The following ZNF526 variants were observed in gnomAD, a reference collection of about 807,000 sequenced individuals.
ZNF526 encodes zinc finger protein 526.
Under a neutral mutation model 32.4 loss-of-function variants are expected in ZNF526, and 16 were observed. The ratio of observed to expected loss-of-function variants is 0.49; its 90% CI spans 0.33 to 0.75. ZNF526 has a LOEUF of 0.75. ZNF526 is among the 30% of genes least tolerant of loss of function. The pLI, the probability that ZNF526 is intolerant of heterozygous loss-of-function variation, is 0.02. For synonymous variants in ZNF526, 355 were observed against 363.4 expected, an observed-to-expected ratio of 0.98 and a Z score of 0.26; for missense variants, 838 against 920.7, an observed-to-expected ratio of 0.91 and a Z score of 1.16.
chr19:42,224,776 G>A lies in ZNF526; in HGVS notation c.373G>A (p.Ala125Thr). The change falls in exon 3 of 3, where the codon GCC (alanine) becomes ACC (threonine). Residue 125 changes from alanine (A) to threonine (T), a missense_variant. Ala to Thr is a moderately conservative substitution (Grantham distance 58, BLOSUM62 0). Coordinates refer to ENST00000301215, the MANE Select transcript of ZNF526 (RefSeq NM_133444.3). ...CATCCTCTCCCCTGGGGAGCTCCTG[G>A]CCCACCAGGATGCCCACCTCCGAGA... Reference protein sequence around the residue: ...QLILSPGELLAHQDAHLRESA... With the variant: ...QLILSPGELLTHQDAHLRESA... The A allele has an allele frequency of 6.2e-7, 1 of 1,613,910 alleles. No homozygotes were observed. Among genetic ancestry groups the A allele is most frequent in the Non-Finnish European group, 8.5e-7 (1 of 1,180,002 alleles).
At chr19:42,222,282 G>A (rs1185429019) in intron 1 of ZNF526, among the ~76,000 whole-genome samples, 1 of 151,910 alleles carries the variant, frequency 6.6e-6, no homozygotes, top group Non-Finnish European at 1.5e-5. Flanking sequence ...TAGAGACGGG[G>A]TTTCATCATG....
intron 1 of ZNF526, among the ~76,000 whole-genome samples, chr19:42,223,501 C>T (rs746078458): frequency 6.6e-6 from 1 of 152,078 alleles, no homozygotes; most frequent in Non-Finnish European, 1.5e-5. Context: ...ATTAGCCGGG[C>T]GTGGTTGCAG....
In ZNF526 at chr19:42,224,813, A is replaced by C; in HGVS notation, c.410A>C (p.Gln137Pro). 6 of 1,613,772 alleles carry C rather than the reference A, an allele frequency of 3.7e-6. No individual in the cohort carries two copies. Among genetic ancestry groups the C allele is most frequent in the Non-Finnish European group, 5.1e-6 (6 of 1,179,978 alleles). The change falls in exon 3 of 3, where the codon CAG (glutamine) becomes CCG (proline). Residue 137 changes from glutamine (Q) to proline (P), a missense_variant. Transcript: ENST00000301215. ...QDAHLRESAN[Q>P]IQYQCWDCQE... The stretch of plus-strand genomic sequence containing the variant: ...GCCCACCTCCGAGAGTCTGCAAACC[A>C]GATCCAATACCAGTGCTGGGACTGC...
At chr19:42,220,714 T>TA (rs2036113447) in intron 1 of ZNF526, 2 of 152,168 alleles carry the variant, frequency 1.3e-5, no homozygotes, top group Admixed American at 6.5e-5. Flanking sequence ...GACTTACTGA[T>TA]ATACTGTGTG....
In ZNF526 at chr19:42,225,776, C is replaced by A. The variant is rs895785155; in HGVS notation, c.1373C>A (p.Ser458Tyr). 1 of 1,604,192 alleles carries A rather than the reference C, an allele frequency of 6.2e-7. No individual in the cohort carries two copies. The highest frequency in any genetic ancestry group is 8.5e-7 in the Non-Finnish European group (1 of 1,175,160). The change falls in exon 3 of 3, where the codon TCC (serine) becomes TAC (tyrosine). Residue 458 changes from serine to tyrosine, a missense_variant. Coordinates refer to ENST00000301215, the MANE Select transcript of ZNF526 (RefSeq NM_133444.3). ...TCCTTTGCCTCAGCTTCCCGGCTGT[C>A]CCGGCACCGGCGTGCAGTACACGGG... ...SKSFASASRLSRHRRAVHGPP... is the reference protein window; with the variant it reads ...SKSFASASRLYRHRRAVHGPP...
Position 42,226,163 on chromosome 19 carries a change from G to A in ZNF526, c.1760G>A (p.Gly587Asp). 12 of 1,607,670 alleles carry A rather than the reference G, an allele frequency of 7.5e-6. No individual in the cohort carries two copies. The highest frequency in any genetic ancestry group is 1.0e-5 in the Non-Finnish European group (12 of 1,180,000). Residue 587 changes from glycine (G) to aspartate (D), a missense_variant, in exon 3 of 3, where the codon GGC becomes GAC. Gly to Asp is a moderately conservative substitution (Grantham distance 94). Transcript: ENST00000301215. ...TCGRWFRAMA[G>D]LRLHQRVHAR... The stretch of plus-strand genomic sequence containing the variant: ...GGCCGCTGGTTCCGCGCCATGGCGG[G>A]CTTGCGACTGCATCAGCGGGTCCAT...
rs1340041189 is a variant in ZNF526 at position 42,226,101 on chromosome 19, T to C, written c.1698T>C (p.Gly566=). The C allele has an allele frequency of 6.2e-7, 1 of 1,606,070 alleles. No homozygotes were observed. Among genetic ancestry groups the C allele is most frequent in the South Asian group, 1.1e-5 (1 of 91,086 alleles). The change falls in exon 3 of 3, where the codon GGT becomes GGC. Residue 566 remains glycine (G), a synonymous_variant. Transcript: ENST00000301215. The part of the protein sequence containing the change: ...FARAPRLPIT[G]LYNKSPYYCG... ...GCGCCCCCCGCCTCCCCATCACTGG[T>C]CTCTACAACAAGAGTCCCTACTACT... is the stretch of plus-strand genomic sequence containing the variant.
At chr19:42,223,601 A>G (rs1342019795) in intron 1 of ZNF526, among the ~76,000 whole-genome samples, 1 of 152,060 alleles carries the variant, frequency 6.6e-6, no homozygotes, top group Non-Finnish European at 1.5e-5. Context: ...AGATTGCACC[A>G]CTGCACTCCA....
chr19:42,226,329 G>T lies in ZNF526; in HGVS notation c.1926G>T (p.Ala642=). Residue 642 remains alanine, a synonymous_variant, in exon 3 of 3, where the codon GCG becomes GCT. Transcript: ENST00000301215. ...TCATTGAGACATCCCAGCCACTGGC[G>T]CTTGAGGACACCCTGCAGCTGTGCC... ...IAIIETSQPL[A]LEDTLQLCQA... 1.2e-6 allele frequency: 2 copies of T among 1,614,218 alleles called. No individual in the cohort carries two copies. The highest frequency in any genetic ancestry group is 1.6e-4 in the Middle Eastern group (1 of 6,062).
chr19:42,224,574 C>T lies in ZNF526; in HGVS notation c.171C>T (p.Phe57=). 6.2e-7 allele frequency: 1 copy of T among 1,614,248 alleles called. No homozygotes were observed. The highest frequency in any genetic ancestry group is 8.5e-7 in the Non-Finnish European group (1 of 1,180,042). Residue 57 remains phenylalanine, a synonymous_variant, in exon 3 of 3, where the codon TTC becomes TTT. Transcript: ENST00000301215. The part of the protein sequence containing the change: ...ASSLFFQHHQ[F]MCSECGSLYN... ...CCCTCTTCTTCCAGCATCACCAGTTCATGTGCTCTGAGTGTGGCAGCCTCT... is the reference window on the plus strand; with the variant it reads ...CCCTCTTCTTCCAGCATCACCAGTTTATGTGCTCTGAGTGTGGCAGCCTCT...
intron 1 of ZNF526, among the ~76,000 whole-genome samples, chr19:42,221,918 C>T (rs776844693): frequency 1.3e-5 from 2 of 152,044 alleles, no homozygotes; most frequent in Non-Finnish European, 2.9e-5. Flanking sequence ...ACCACCTTAG[C>T]CTCCCAAAGT....
In ZNF526 at chr19:42,226,709, C is replaced by CGA; in HGVS notation, c.*293_*294insGA. The CGA allele has an allele frequency of 1.9e-6, 1 of 518,904 alleles. No homozygotes were observed. Among genetic ancestry groups the CGA allele is most frequent in the Non-Finnish European group, 3.6e-6 (1 of 275,522 alleles). 32.1% of individuals were successfully genotyped at this position (518,904 alleles called of 1,614,324 possible). A position where few individuals can be genotyped will look rare whatever the true frequency, so the allele number is the denominator to read the frequency against. The stretch of plus-strand genomic sequence containing the variant: ...CCCTTTGCACTGCATCACCCTGGTG[C>CGA]CCAGCAACATCAGGTAACCTTCACT... On this transcript the variant is annotated 3_prime_UTR_variant, in exon 3 of 3. Transcript: ENST00000301215.
At chr19:42,222,487 C>A (rs2036134055) in intron 1 of ZNF526, among the ~76,000 whole-genome samples, 1 of 152,024 alleles carries the variant, frequency 6.6e-6, no homozygotes, top group Admixed American at 6.5e-5. Flanking sequence ...GGTTTGAATT[C>A]ATAAAATTAG....
At position 42,225,108 on chromosome 19, in the gene ZNF526, AGAGGACGAT is replaced by A; in HGVS notation, c.711_719del (p.Asp237_Glu239del). The A allele has an allele frequency of 1.2e-6, 2 of 1,614,138 alleles. No individual in the cohort carries two copies. Among genetic ancestry groups the A allele is most frequent in the Non-Finnish European group, 1.7e-6 (2 of 1,180,012 alleles). The stretch of plus-strand genomic sequence containing the variant: ...AGCGCAATGGGTTGGAGGAGGAGGA[AGAGGACGAT>A]GAGGAGGATGAAGAAGATGATGAAG... On this transcript the variant is annotated inframe_deletion, in exon 3 of 3. Coordinates refer to ENST00000301215, the MANE Select transcript of ZNF526 (RefSeq NM_133444.3).
chr19:42,225,960 GCT>G lies in ZNF526; in HGVS notation c.1558_1559del (p.Leu520AspfsTer116). On this transcript the variant is annotated frameshift_variant, in exon 3 of 3. Coordinates refer to ENST00000301215, the MANE Select transcript of ZNF526 (RefSeq NM_133444.3). LOFTEE classifies it high-confidence loss of function. The part of the protein sequence containing the change: ...ASLANLSRHQ[L>X]THTGARPYQC... ...CTTTGGCCAACCTCAGCCGCCACCAGCTGACCCATACGGGTGCACGTCCCTAC... is the reference window on the plus strand; with the variant it reads ...CTTTGGCCAACCTCAGCCGCCACCAGGACCCATACGGGTGCACGTCCCTAC... 1 of 1,614,086 alleles carries G rather than the reference GCT, an allele frequency of 6.2e-7. No homozygotes were observed. Among genetic ancestry groups the G allele is most frequent in the Non-Finnish European group, 8.5e-7 (1 of 1,180,032 alleles).
rs2036183502 is a variant in ZNF526 at position 42,226,503 on chromosome 19, G to C, written c.*87G>C. 6 of 1,583,920 alleles carry C rather than the reference G, an allele frequency of 3.8e-6. No individual in the cohort carries two copies. The highest frequency in any genetic ancestry group is 5.2e-6 in the Non-Finnish European group (6 of 1,154,836). ...GAGAGAGGACCTCCTCTGACAAACT[G>C]GTCTGGTACCCACCATGTGCCAGGA... On this transcript the variant is annotated 3_prime_UTR_variant, in exon 3 of 3. Transcript: ENST00000301215.
chr19:42,220,731 C>T (rs1188373582), intron 1 of ZNF526: 1 of 152,188 alleles, frequency 6.6e-6, no homozygotes, highest in African/African-American at 2.4e-5. Flanking sequence ...TGTGAAAAAC[C>T]CCCATTCTTT....
chr19:42,224,857 C>T lies in ZNF526; in HGVS notation c.454C>T (p.Pro152Ser). 1 of 1,613,992 alleles carries T rather than the reference C, an allele frequency of 6.2e-7. No individual in the cohort carries two copies. The highest frequency in any genetic ancestry group is 1.3e-5 in the African/African-American group (1 of 75,020). Residue 152 changes from proline to serine, a missense_variant, in exon 3 of 3, where the codon CCC (proline) becomes TCC (serine). By Grantham distance (74) the Pro-to-Ser change is moderately conservative. Transcript: ENST00000301215. ...GGACTGCCAGGAGCTGTTCCCCTCGCCCGAGCTGTGGGTGGCTCATCGAAA... is the reference window on the plus strand; with the variant it reads ...GGACTGCCAGGAGCTGTTCCCCTCGTCCGAGCTGTGGGTGGCTCATCGAAA... ...CWDCQELFPS[P>S]ELWVAHRKAQ...
chr19:42,220,853 C>T (rs1568460790), intron 1 of ZNF526, among the ~76,000 whole-genome samples: 1 of 152,192 alleles, frequency 6.6e-6, no homozygotes, highest in Non-Finnish European at 1.5e-5. Flanking sequence ...CTGCTTTGTG[C>T]AAGCTTTGCA....
Sources: allele counts gnomAD v4.1 joint callset (sites outside exome capture counted in the v4.1 genomes callset), GRCh38; gene constraint gnomAD v4.1.1; transcripts MANE v1.5; gene names NCBI Gene and HGNC (gene_info 2026-07-23, HGNC 2026-07-21).